NOS3: variants seen among roughly 807,000 people sequenced by gnomAD.
The protein encoded by NOS3 is nitric oxide synthase 3.
Under a neutral mutation model 144.9 loss-of-function variants are expected in NOS3, and 98 were observed. The ratio of observed to expected loss-of-function variants is 0.68; its 90% CI spans 0.57 to 0.80. The LOEUF (loss-of-function observed/expected upper bound fraction) is 0.80. Among genes scored for constraint, NOS3 ranks in the 30% least tolerant of loss-of-function variants. The probability of loss-of-function intolerance (pLI) is 0.00; values close to 1 mark genes in which losing one functional copy is unlikely to be tolerated. For synonymous variants in NOS3, 714 were observed against 702.4 expected, an observed-to-expected ratio of 1.02 and a Z score of -0.26; for missense variants, 1,465 against 1,656.4, an observed-to-expected ratio of 0.88 and a Z score of 2.01.
At position 151,013,012 on chromosome 7, in the gene NOS3, G is replaced by C; in HGVS notation, c.3107-219G>C. 5.4e-6 allele frequency: 3 copies of C among 551,256 alleles called. No homozygotes were observed. In the East Asian group the frequency reaches 9.5e-5, roughly 18 times the overall value. 34.1% of individuals were successfully genotyped at this position (551,256 alleles called of 1,614,324 possible). A position where few individuals can be genotyped will look rare whatever the true frequency, so the allele number is the denominator to read the frequency against. On this transcript the variant is annotated intron_variant, in intron 24 of 26. Transcript: ENST00000297494. ...GCATTCTAGCGCAGCTCCACCAGGG[G>C]CCACCACCTCACCCGCGCTTCCCTT...
chr7:151,001,138 C>T, intron 10 of NOS3, 93 bp from the exon 11 acceptor site: 1 of 1,265,006 alleles, frequency 7.9e-7, no homozygotes, highest in Non-Finnish European at 1.1e-6. Context: ...TAATCGAGGG[C>T]ACATGTGGTT....
At position 151,003,476 on chromosome 7, in the gene NOS3, A is replaced by G. The variant is rs1415398667; in HGVS notation, c.1752+1172A>G. On this transcript the variant is annotated intron_variant, in intron 14 of 26. Coordinates refer to ENST00000297494, the MANE Select transcript of NOS3 (RefSeq NM_000603.5). The surrounding 1 kb of genome is among the most constrained non-coding windows in gnomAD (Gnocchi z 4.1). ...CTCGTGAAACCCTTTTTGCTGCCTT[A>G]GTGTCCGTTTCAGCCCTCATTCTGA... The G allele has an allele frequency of 2.4e-6, 3 of 1,228,184 alleles. No homozygotes were observed. In the African/African-American group the frequency reaches 4.7e-5, roughly 19 times the overall value. The allele number at this position is 1,228,184 out of a possible 1,614,324, so 76.1% of individuals were successfully genotyped here.
chr7:151,007,586 G>T (rs1795225410), intron 17 of NOS3, among the ~76,000 whole-genome samples: 1 of 152,224 alleles, frequency 6.6e-6, no homozygotes, highest in African/African-American at 2.4e-5. Context: ...GGGGTGCAGG[G>T]CAGGGCAGGG....
chr7:151,004,578 G>A (rs1241841925), intron 14 of NOS3, among the ~76,000 whole-genome samples: 1 of 152,076 alleles, frequency 6.6e-6, no homozygotes, highest in Non-Finnish European at 1.5e-5. Flanking sequence ...GATAAATTGT[G>A]GTATATTCAA....
At chr7:150,997,965 C>T (rs145492358) in intron 5 of NOS3, among the ~76,000 whole-genome samples, 1 of 152,302 alleles carries the variant, frequency 6.6e-6, no homozygotes, top group Non-Finnish European at 1.5e-5. Flanking sequence ...CATCCATGTG[C>T]TCAAAGAGAA....
rs750555938 is a variant in NOS3, at chr7:150,996,555, G to T, written c.419+3G>T. The T allele has an allele frequency of 4.4e-6, 7 of 1,589,796 alleles. No individual in the cohort carries two copies. The South Asian group carries it at 7.8e-5, about 18-fold the overall frequency. On this transcript the variant is annotated splice_donor_region_variant and intron_variant, in intron 4 of 26. Coordinates refer to ENST00000297494, the MANE Select transcript of NOS3 (RefSeq NM_000603.5). ...CAGTACTACAGCTCCATTAAGAGGT[G>T]ACAGCTTCCCGGACGCCACAGCCTC...
intron 20 of NOS3, 58 bp downstream of exon 20, chr7:151,009,643 C>T (rs1488990875): frequency 8.5e-6 from 12 of 1,407,502 alleles, no homozygotes; most frequent in South Asian, 1.4e-5. Context: ...GCCCCACCCC[C>T]GGCCCCAGGC....
Position 151,010,883 on chromosome 7 carries a change from T to G in NOS3, c.2897-16T>G, listed in dbSNP as rs368092717. ...CCCTCTCTGGCCCCTCACCGGCCTC[T>G]CCTTCCCACCCCCAGATGGGCTGGG... On this transcript the variant is annotated splice_polypyrimidine_tract_variant and intron_variant, in intron 22 of 26. Coordinates refer to ENST00000297494, the MANE Select transcript of NOS3 (RefSeq NM_000603.5). 6.2e-7 allele frequency: 1 copy of G among 1,612,010 alleles called. No individual in the cohort carries two copies. The highest frequency in any genetic ancestry group is 8.5e-7 in the Non-Finnish European group (1 of 1,178,802).
At chr7:150,992,309 A>T (rs1800783) in intron 1 of NOS3, among the ~76,000 whole-genome samples, 94,731 of 151,970 alleles carry the variant, frequency 0.62, 29,973 homozygotes, top group East Asian at 0.89. Flanking sequence ...CAGACTTGGG[A>T]TCTGTTGTCT....
chr7:151,013,085 A>C, intron 24 of NOS3, 146 bp from the exon 25 acceptor site: 1 of 855,886 alleles, frequency 1.2e-6, no homozygotes, highest in Non-Finnish European at 1.8e-6. Flanking sequence ...AGCATTCTAC[A>C]CTCTCTTAGA....
intron 23 of NOS3, 36 bp downstream of exon 23, chr7:151,011,022 AG>A (rs1434170478): frequency 6.0e-6 from 9 of 1,494,686 alleles, no homozygotes; most frequent in African/African-American, 1.4e-5. Context: ...GGAGCTGCCC[AG>A]GGTCAGGGTG....
chr7:151,003,426 C>A lies in NOS3; in HGVS notation c.1752+1122C>A. 8.2e-7 allele frequency: 1 copy of A among 1,219,930 alleles called. No individual in the cohort carries two copies. Among genetic ancestry groups the A allele is most frequent in the Non-Finnish European group, 1.0e-6 (1 of 953,058 alleles). The allele number at this position is 1,219,930 out of a possible 1,614,324, so 75.6% of individuals were successfully genotyped here. On this transcript the variant is annotated intron_variant, in intron 14 of 26. Transcript: ENST00000297494. The surrounding 1 kb of genome is among the most constrained non-coding windows in gnomAD (Gnocchi z 4.1). Reference sequence around the variant, plus strand: ...TAGACGTGAGCCACTGCACCTGGCCCTCAGTATCTTAAGCAAGTTGGAATC... The same window carrying A: ...TAGACGTGAGCCACTGCACCTGGCCATCAGTATCTTAAGCAAGTTGGAATC...
rs1795137011 is a variant in NOS3, at chr7:151,002,737, A to C, written c.1752+433A>C. 4.7e-6 allele frequency: 1 copy of C among 212,426 alleles called. No individual in the cohort carries two copies. Among genetic ancestry groups the C allele is most frequent in the African/African-American group, 2.4e-5 (1 of 42,486 alleles). The allele number at this position is 212,426 out of a possible 1,614,324, so 13.2% of individuals were successfully genotyped here. On this transcript the variant is annotated intron_variant, in intron 14 of 26. Coordinates refer to ENST00000297494, the MANE Select transcript of NOS3 (RefSeq NM_000603.5). The surrounding 1 kb of genome is among the most constrained non-coding windows in gnomAD (Gnocchi z 4.1). ...TGTTTCTTAATGGGATACTGGTTAC[A>C]CAGGTGTGTTCAGTTTGTAAAAATC...
intron 14 of NOS3, 23 bp from the exon 15 acceptor site, chr7:151,006,404 G>A (rs1026883849): frequency 1.0e-5 from 16 of 1,603,712 alleles, no homozygotes; most frequent in African/African-American, 6.7e-5. Flanking sequence ...AACTAACCCT[G>A]ATGCAAACAC....
In NOS3 at chr7:151,013,867, G is replaced by A. The variant is rs1018887369; in HGVS notation, c.3399G>A (p.Thr1133=). The change falls in exon 26 of 27, where the codon ACG becomes ACA. Residue 1133 remains threonine (T), a synonymous_variant. Transcript: ENST00000297494. ...AGACCGTGCAGCGCATCCTGGCGACGGAGGGCGACATGGAGCTGGACGAGG... is the reference window on the plus strand; with the variant it reads ...AGACCGTGCAGCGCATCCTGGCGACAGAGGGCGACATGGAGCTGGACGAGG... ...VLQTVQRILA[T]EGDMELDEAG... is the part of the protein sequence containing the mutation. 2 of 1,603,408 alleles carry A rather than the reference G, an allele frequency of 1.2e-6. No homozygotes were observed. Among genetic ancestry groups the A allele is most frequent in the Non-Finnish European group, 1.7e-6 (2 of 1,175,550 alleles).
In NOS3 at chr7:150,993,727, C is replaced by T; in HGVS notation, c.-51-26C>T. The T allele has an allele frequency of 6.8e-7, 1 of 1,474,432 alleles. No individual in the cohort carries two copies. The highest frequency in any genetic ancestry group is 2.3e-5 in the East Asian group (1 of 42,832). The allele number at this position is 1,474,432 out of a possible 1,614,324, so 91.3% of individuals were successfully genotyped here. ...GAGAGCCCCCTCCCACTGCCCCCTC[C>T]TCTCGGTCCCCTCCCTCTTCCTAAG... On this transcript the variant is annotated intron_variant, in intron 1 of 26. Coordinates refer to ENST00000297494, the MANE Select transcript of NOS3 (RefSeq NM_000603.5). This position sits in a 1 kb window ranked among gnomAD's most constrained non-coding sequence, Gnocchi z 4.0.
In NOS3 at chr7:151,001,870, G is replaced by C. The variant is rs754218088; in HGVS notation, c.1552G>C (p.Val518Leu). 3 of 1,613,764 alleles carry C rather than the reference G, an allele frequency of 1.9e-6. No individual in the cohort carries two copies. Among genetic ancestry groups the C allele is most frequent in the Non-Finnish European group, 2.5e-6 (3 of 1,180,036 alleles). ...CATGGGCACGGTGATGGCGAAGCGA[G>C]TGAAGGCGACAATCCTGTATGGCTC... ...SLMGTVMAKR[V>L]KATILYGSET... Residue 518 changes from valine to leucine, a missense_variant, in exon 13 of 27, where the codon GTG (valine) becomes CTG (leucine). This residue lies in a region of NOS3 where 745 missense variants were observed against 853.9 expected (regional missense o/e 0.87). Coordinates refer to ENST00000297494, the MANE Select transcript of NOS3 (RefSeq NM_000603.5).
rs776628582 is a variant in NOS3, at chr7:151,002,001, G to T, written c.1647+36G>T. 1.2e-6 allele frequency: 2 copies of T among 1,610,432 alleles called. No homozygotes were observed. Among genetic ancestry groups the T allele is most frequent in the Non-Finnish European group, 1.7e-6 (2 of 1,178,146 alleles). ...GCCCAGGGGAGCAGGGAGCTAGAAA[G>T]AGGGGGCTCTATCAGCATCTTCAGG... On this transcript the variant is annotated intron_variant, in intron 13 of 26. Transcript: ENST00000297494. This position sits in a 1 kb window ranked among gnomAD's most constrained non-coding sequence, Gnocchi z 4.1.
Position 151,010,724 on chromosome 7 carries a change from G to T in NOS3, c.2813G>T (p.Arg938Leu), listed in dbSNP as rs770778320. The change falls in exon 22 of 27, where the codon CGG becomes CTG. Residue 938 changes from arginine (R) to leucine (L), a missense_variant. Arg to Leu is a moderately radical substitution (Grantham distance 102, BLOSUM62 -2). This residue lies in a region of NOS3 where 106 missense variants were observed against 167.7 expected (regional missense o/e 0.63). Transcript: ENST00000297494. ...ACCCAGCTGCCTCTGCTCCAGCCCCGGTACTACTCAGTCAGCTCGGCACCC... is the reference window on the plus strand; with the variant it reads ...ACCCAGCTGCCTCTGCTCCAGCCCCTGTACTACTCAGTCAGCTCGGCACCC... ...LLTQLPLLQPRYYSVSSAPST... is the reference protein window; with the variant it reads ...LLTQLPLLQPLYYSVSSAPST... 1 of 1,613,156 alleles carries T rather than the reference G, an allele frequency of 6.2e-7. No individual in the cohort carries two copies. Among genetic ancestry groups the T allele is most frequent in the East Asian group, 2.2e-5 (1 of 44,824 alleles).
Sources: allele counts gnomAD v4.1 joint callset (sites outside exome capture counted in the v4.1 genomes callset), GRCh38; gene constraint gnomAD v4.1.1; regional missense constraint gnomAD v4.1.1; non-coding constraint Gnocchi (gnomAD v3.1); transcripts MANE v1.5; gene names NCBI Gene and HGNC (gene_info 2026-07-23, HGNC 2026-07-21).